Variants in GPR141 observed in about 807,000 individuals in gnomAD.
The protein encoded by GPR141 is G protein-coupled receptor 141, also known as probable G protein-coupled receptor 141.
In GPR141, 6 loss-of-function variants were observed where a neutral mutation model predicts 6.8. The observed-to-expected ratio is 0.88, with a 90% CI of 0.48 to 1.74. The LOEUF is 1.74. Ranked by LOEUF, GPR141 falls within the 40% of genes most tolerant of loss-of-function variation. The probability of loss-of-function intolerance (pLI) is 0.01; values close to 1 mark genes in which losing one functional copy is unlikely to be tolerated. For missense variants in GPR141, 372 were observed against 372.9 expected, an observed-to-expected ratio of 1.00 and a Z score of 0.02; for synonymous variants, 140 against 142.3, an observed-to-expected ratio of 0.98 and a Z score of 0.11.
At chr7:37,693,342 G>T (rs1319013536) in intron 2 of GPR141, among the ~76,000 whole-genome samples, 2 of 152,150 alleles carry the variant, frequency 1.3e-5, no homozygotes, top group African/African-American at 4.8e-5. Flanking sequence ...TGAGGCCTCT[G>T]TTCTGTTCCA....
At chr7:37,719,512 T>A (rs559122626) in intron 2 of GPR141, among the ~76,000 whole-genome samples, 9 of 152,322 alleles carry the variant, frequency 5.9e-5, no homozygotes, top group African/African-American at 2.2e-4. Flanking sequence ...GACAGATGGG[T>A]CCTCTCCCAT....
Position 37,708,310 on chromosome 7 carries a change from C to CAAAAAAAAAAAAAAAAAA in GPR141, c.-15+22735_-15+22752dup, listed in dbSNP as rs66783277. ...ATACTGCCTCTTGACAAATTGCTGG[C>CAAAAAAAAAAAAAAAAAA]AAAAAAAAAAAAAAAAAAAAAAAAA... On this transcript the variant is annotated intron_variant, in intron 2 of 2. Transcript: ENST00000334425. Among the ~76,000 whole-genome samples the CAAAAAAAAAAAAAAAAAA allele has an allele frequency of 6.7e-5, 4 of 59,776 alleles. 1 individual carries two copies. The highest frequency in any genetic ancestry group is 7.1e-5 in the African/African-American group (1 of 14,144). 39.2% of individuals were successfully genotyped at this position (59,776 alleles called of 152,430 possible). A position where few individuals can be genotyped will look rare whatever the true frequency, so the allele number is the denominator to read the frequency against.
chr7:37,706,953 C>A (rs1045967214), intron 2 of GPR141, among the ~76,000 whole-genome samples: 9 of 152,074 alleles, frequency 5.9e-5, no homozygotes, highest in African/African-American at 9.7e-5. Flanking sequence ...GAGCAACCAC[C>A]CACCCAGCTG....
chr7:37,689,907 C>T (rs1189923540), intron 2 of GPR141, among the ~76,000 whole-genome samples: 1 of 150,668 alleles, frequency 6.6e-6, no homozygotes, highest in African/African-American at 2.5e-5. Flanking sequence ...TTTATTTCTG[C>T]TCCGATCGTT....
chr7:37,688,169 A>G (rs1056203341), intron 2 of GPR141, among the ~76,000 whole-genome samples: 3 of 152,112 alleles, frequency 2.0e-5, no homozygotes, highest in African/African-American at 7.2e-5. Flanking sequence ...GGGCGCGGTG[A>G]CTCACGCCTG....
At chr7:37,690,198 T>C (rs1809693047) in intron 2 of GPR141, among the ~76,000 whole-genome samples, 1 of 152,148 alleles carries the variant, frequency 6.6e-6, no homozygotes, top group African/African-American at 2.4e-5. Context: ...TTTGTTTTTG[T>C]TTTTAATTTC....
chr7:37,708,333 A>AC (rs961308376), intron 2 of GPR141, among the ~76,000 whole-genome samples: 2 of 151,316 alleles, frequency 1.3e-5, no homozygotes, highest in African/African-American at 4.9e-5. Context: ...AAAAAAAAAA[A>AC]AACGCAAAAG....
chr7:37,686,729 G>A (rs76724499), intron 2 of GPR141, among the ~76,000 whole-genome samples: 2,147 of 152,236 alleles, frequency 0.014, 53 homozygotes, highest in African/African-American at 0.049. Flanking sequence ...TAAGTCCAAA[G>A]ATGGCTTCTC....
chr7:37,694,589 A>G (rs1809931986), intron 2 of GPR141, among the ~76,000 whole-genome samples: 1 of 152,242 alleles, frequency 6.6e-6, no homozygotes, highest in South Asian at 2.1e-4. Flanking sequence ...GGTAGTTTAT[A>G]AAGAAGATTG....
chr7:37,701,574 GT>G (rs1399001815), intron 2 of GPR141, among the ~76,000 whole-genome samples: 1 of 152,152 alleles, frequency 6.6e-6, no homozygotes, highest in Non-Finnish European at 1.5e-5. Flanking sequence ...ATTGCATGGG[GT>G]ATTTATACAA....
chr7:37,721,880 T>C (rs1028853590), intron 2 of GPR141, among the ~76,000 whole-genome samples: 32 of 152,218 alleles, frequency 2.1e-4, no homozygotes, highest in African/African-American at 7.5e-4. Flanking sequence ...ATCCACAGCC[T>C]TTTTTGTCTT....
At chr7:37,706,839 C>T (rs563834897) in intron 2 of GPR141, among the ~76,000 whole-genome samples, 18 of 152,260 alleles carry the variant, frequency 1.2e-4, no homozygotes, top group East Asian at 1.9e-4. Flanking sequence ...TCATATAAAT[C>T]GTAATGATTG....
intron 2 of GPR141, among the ~76,000 whole-genome samples, chr7:37,685,821 A>G (rs1809485408): frequency 6.7e-6 from 1 of 148,992 alleles, no homozygotes. Flanking sequence ...TCCAAAATCC[A>G]ATTGTAGTTA....
At chr7:37,695,660 C>T (rs111939491) in intron 2 of GPR141, among the ~76,000 whole-genome samples, 1,681 of 152,216 alleles carry the variant, frequency 0.011, 34 homozygotes, top group African/African-American at 0.038. Flanking sequence ...TTAGGAACTC[C>T]GCCACTCTGC....
At position 37,700,990 on chromosome 7, in the gene GPR141, A is replaced by T. The variant is rs1810256349; in HGVS notation, c.-15+15407A>T. On this transcript the variant is annotated intron_variant, in intron 2 of 2. Coordinates refer to ENST00000334425, the MANE Select transcript of GPR141 (RefSeq NM_001381946.1). The stretch of plus-strand genomic sequence containing the variant: ...CTGAGCGTGGATGCTTTATTCTTCC[A>T]GTCTAGACAGGATTTGCATCCTTAG... Among the ~76,000 whole-genome samples the T allele has an allele frequency of 1.3e-5, 2 of 152,162 alleles. 1 individual carries two copies. The highest frequency in any genetic ancestry group is 4.1e-4 in the South Asian group (2 of 4,832).
intron 2 of GPR141, among the ~76,000 whole-genome samples, chr7:37,711,407 G>A (rs1273223771): frequency 6.6e-6 from 1 of 152,190 alleles, no homozygotes; most frequent in Non-Finnish European, 1.5e-5. Context: ...CTCACTTTGA[G>A]CTACATGGGA....
At chr7:37,705,586 AAAGT>A (rs968992244) in intron 2 of GPR141, among the ~76,000 whole-genome samples, 24 of 152,188 alleles carry the variant, frequency 1.6e-4, no homozygotes, top group African/African-American at 5.5e-4. Flanking sequence ...GGCAAGAAAT[AAAGT>A]GAGTTCTCTG....
chr7:37,715,957 T>C (rs535786466), intron 2 of GPR141, among the ~76,000 whole-genome samples: 1 of 152,196 alleles, frequency 6.6e-6, no homozygotes, highest in South Asian at 2.1e-4. Flanking sequence ...AACTAGTAAT[T>C]GTGATTAGGG....
At chr7:37,711,165 C>T (rs1425544603) in intron 2 of GPR141, among the ~76,000 whole-genome samples, 1 of 152,114 alleles carries the variant, frequency 6.6e-6, no homozygotes, top group Non-Finnish European at 1.5e-5. Context: ...TGATCTAAAT[C>T]AATGGTTCTC....
Sources: gnomAD v4.1 joint callset for allele counts (sites outside exome capture counted in the v4.1 genomes callset) on GRCh38, gnomAD v4.1.1 for gene constraint, MANE v1.5 for transcripts, NCBI Gene and HGNC (gene_info 2026-07-23, HGNC 2026-07-21) for gene names.